PRKD1: variants seen among roughly 807,000 people sequenced by gnomAD.
PRKD1 encodes the protein serine/threonine-protein kinase D1.
In PRKD1, 63 loss-of-function variants were observed where a neutral mutation model predicts 95.9. The observed-to-expected ratio is 0.66, with a 90% confidence interval of 0.54 to 0.81. The LOEUF is 0.81. Ranked by LOEUF, PRKD1 falls within the 30% of genes least tolerant of loss-of-function variation. The pLI, the probability that PRKD1 is intolerant of heterozygous loss-of-function variation, is 0.00. For missense variants in PRKD1, 1,048 were observed against 1,165.3 expected (o/e 0.90, Z 1.47); for synonymous variants, 425 against 423.1 (o/e 1.00, Z -0.05).
chr14:29,707,670 C>A (rs1885155299), intron 2 of PRKD1, among the ~76,000 whole-genome samples: 1 of 152,156 alleles, frequency 6.6e-6, no homozygotes, highest in Admixed American at 6.5e-5. Flanking sequence ...ATTTCCACCT[C>A]CAAACTAGGG....
chr14:29,725,458 CT>C lies in PRKD1; in HGVS notation c.403+77del, dbSNP rs1461200424. 3 of 1,511,772 alleles carry C rather than the reference CT, an allele frequency of 2.0e-6. No individual in the cohort carries two copies. The African/African-American group carries it at 4.2e-5, about 21-fold the overall frequency. 93.6% of individuals were successfully genotyped at this position (1,511,772 alleles called of 1,614,324 possible). A position where few individuals can be genotyped will look rare whatever the true frequency, so the allele number is the denominator to read the frequency against. Reference sequence around the variant, plus strand: ...GTTTGAGATATGCTTTTTATGTTTCCTTAAAAACATATGCCCAAGAATTCTT... The same window carrying C: ...GTTTGAGATATGCTTTTTATGTTTCCTAAAAACATATGCCCAAGAATTCTT... On this transcript the variant is annotated intron_variant, in intron 2 of 17. Transcript: ENST00000331968.
At position 29,578,267 on chromosome 14, in the gene PRKD1, T is replaced by C; in HGVS notation, c.2520+8A>G. 6.3e-7 allele frequency: 1 copy of C among 1,584,324 alleles called. No homozygotes were observed. Among genetic ancestry groups the C allele is most frequent in the Non-Finnish European group, 8.6e-7 (1 of 1,160,356 alleles). On this transcript the variant is annotated splice_region_variant and intron_variant, in intron 17 of 17. Coordinates refer to ENST00000331968, the MANE Select transcript of PRKD1 (RefSeq NM_002742.3). Reference sequence around the variant, plus strand: ...TTCAACTAAGAAAACTCAGTGATTATTGTTTACCTGTAGCCAAGGGTGGCT... The same window carrying C: ...TTCAACTAAGAAAACTCAGTGATTACTGTTTACCTGTAGCCAAGGGTGGCT...
chr14:29,595,549 T>G (rs1893268576), intron 16 of PRKD1, among the ~76,000 whole-genome samples: 1 of 152,250 alleles, frequency 6.6e-6, no homozygotes, highest in South Asian at 2.1e-4. Flanking sequence ...AAGTGTTTCC[T>G]GAGCCTTTGC....
intron 1 of PRKD1, among the ~76,000 whole-genome samples, chr14:29,750,929 T>C (rs1202752708): frequency 6.6e-6 from 1 of 152,218 alleles, no homozygotes; most frequent in African/African-American, 2.4e-5. Flanking sequence ...TGTTTCCCCA[T>C]GACGGTGGAC....
intron 13 of PRKD1, among the ~76,000 whole-genome samples, chr14:29,604,341 G>T (rs1338807244): frequency 6.6e-6 from 1 of 152,154 alleles, no homozygotes; most frequent in African/African-American, 2.4e-5. Flanking sequence ...GGAAAGAGGA[G>T]AATTAGATTC....
chr14:29,758,131 G>T (rs571683315), intron 1 of PRKD1, among the ~76,000 whole-genome samples: 1 of 151,528 alleles, frequency 6.6e-6, no homozygotes, highest in African/African-American at 2.4e-5. Flanking sequence ...GTTTCCTAAC[G>T]GAGTAAATAA....
At chr14:29,778,384 C>A (rs1888874078) in intron 1 of PRKD1, among the ~76,000 whole-genome samples, 1 of 152,014 alleles carries the variant, frequency 6.6e-6, no homozygotes, top group African/African-American at 2.4e-5. Flanking sequence ...AATTGATAGA[C>A]CACTAGCAAG....
At chr14:29,713,522 T>C (rs567909789) in intron 2 of PRKD1, among the ~76,000 whole-genome samples, 1 of 152,310 alleles carries the variant, frequency 6.6e-6, no homozygotes, top group South Asian at 2.1e-4. Flanking sequence ...CTGAATGTTG[T>C]CTTTTCTAAC....
chr14:29,782,422 G>A (rs1184707808), intron 1 of PRKD1, among the ~76,000 whole-genome samples: 1 of 152,120 alleles, frequency 6.6e-6, no homozygotes, highest in Non-Finnish European at 1.5e-5. Flanking sequence ...TTTTACATTA[G>A]ATAAGATAAA....
chr14:29,617,814 C>T (rs978640571), intron 13 of PRKD1, among the ~76,000 whole-genome samples: 1 of 151,980 alleles, frequency 6.6e-6, no homozygotes, highest in Non-Finnish European at 1.5e-5. Context: ...TGCCTGTAAT[C>T]CCAGCATTTG....
At chr14:29,619,821 G>T (rs1879124038) in intron 13 of PRKD1, among the ~76,000 whole-genome samples, 1 of 152,024 alleles carries the variant, frequency 6.6e-6, no homozygotes, top group Non-Finnish European at 1.5e-5. Context: ...ATCTGACAAT[G>T]GTAAAAAGGA....
chr14:29,590,887 T>G (rs1476558925), intron 16 of PRKD1, among the ~76,000 whole-genome samples: 2 of 152,190 alleles, frequency 1.3e-5, no homozygotes, highest in Non-Finnish European at 2.9e-5. Context: ...CAAGCAATTC[T>G]CCTGCCTCAG....
chr14:29,592,408 T>A (rs7159847), intron 16 of PRKD1, among the ~76,000 whole-genome samples: 2,544 of 152,346 alleles, frequency 0.017, 74 homozygotes, highest in African/African-American at 0.059. Context: ...ACTATATATA[T>A]GATGTATGTA....
chr14:29,675,423 G>A lies in PRKD1; in HGVS notation c.404-9215C>T, dbSNP rs139627016. Among the ~76,000 whole-genome samples, 22 of 152,162 alleles carry A rather than the reference G, an allele frequency of 1.4e-4. No homozygotes were observed. The East Asian group carries it at 3.7e-3, about 25-fold the overall frequency. ...ATCGCTTCCCCATCCCCATTCTTCT[G>A]ACAACCACTAATTTATTTTCTGTCC... On this transcript the variant is annotated intron_variant, in intron 2 of 17. Coordinates refer to ENST00000331968, the MANE Select transcript of PRKD1 (RefSeq NM_002742.3).
intron 1 of PRKD1, among the ~76,000 whole-genome samples, chr14:29,748,735 T>C (rs1887344799): frequency 6.6e-6 from 1 of 152,132 alleles, no homozygotes; most frequent in Non-Finnish European, 1.5e-5. Context: ...ATTTGACAAT[T>C]GAATAAATAT....
intron 4 of PRKD1, among the ~76,000 whole-genome samples, chr14:29,647,835 C>T (rs887600286): frequency 1.3e-5 from 2 of 152,144 alleles, no homozygotes; most frequent in Admixed American, 1.3e-4. Flanking sequence ...CAGACGTGTC[C>T]TGAAAGACTG....
At chr14:29,669,752 G>A (rs45620641) in intron 2 of PRKD1, among the ~76,000 whole-genome samples, 3 of 151,868 alleles carry the variant, frequency 2.0e-5, no homozygotes, top group African/African-American at 4.8e-5. Flanking sequence ...CCTGTAATCC[G>A]AGCTACTTAG....
chr14:29,803,575 C>A (rs1208951147), intron 1 of PRKD1, among the ~76,000 whole-genome samples: 1 of 152,080 alleles, frequency 6.6e-6, no homozygotes, highest in Non-Finnish European at 1.5e-5. Flanking sequence ...GGAAACACAG[C>A]TGTTTTAATA....
intron 1 of PRKD1, among the ~76,000 whole-genome samples, chr14:29,825,495 A>G (rs1891073887): frequency 6.6e-6 from 1 of 151,154 alleles, no homozygotes; most frequent in Admixed American, 6.6e-5. Flanking sequence ...AAAGTGGCAC[A>G]CATTTCAGTG....
Sources: allele counts gnomAD v4.1 joint callset (sites outside exome capture counted in the v4.1 genomes callset), GRCh38; gene constraint gnomAD v4.1.1; transcripts MANE v1.5; gene names NCBI Gene and HGNC (gene_info 2026-07-23, HGNC 2026-07-21).